Variants in FMO5 observed in about 807,000 individuals in gnomAD.
The protein encoded by FMO5 is flavin-containing monooxygenase 5.
FMO5 carries 51 observed loss-of-function variants against 43.6 expected under a neutral mutation model. The ratio of observed to expected loss-of-function variants is 1.17; its 90% CI spans 0.93 to 1.48. FMO5 has a LOEUF of 1.48. Among genes scored for constraint, FMO5 ranks in the 40% most tolerant of loss-of-function variants. The pLI is 0.00. For missense variants in FMO5, 644 were observed against 643.0 expected (o/e 1.00, Z -0.02); for synonymous variants, 187 against 216.5 (o/e 0.86, Z 1.20).
rs1553920890 is a variant in FMO5, at chr1:147,201,315, T to C, written c.1020A>G (p.Glu340=). 2 of 1,614,190 alleles carry C rather than the reference T, an allele frequency of 1.2e-6. No homozygotes were observed. Among genetic ancestry groups the C allele is most frequent in the Admixed American group, 3.3e-5 (2 of 60,026 alleles). ...TGTTTTTGACCACTTTGACGGAATC[T>C]TCCAGAAATGGAAAGTCAAAGCTAT... ...TGYSFDFPFL[E]DSVKVVKNKI... The change falls in exon 7 of 9, where the codon GAA becomes GAG. Residue 340 remains glutamate, a synonymous_variant. Coordinates refer to ENST00000254090, the MANE Select transcript of FMO5 (RefSeq NM_001461.4).
chr1:147,195,504 T>C (rs1657829604), intron 7 of FMO5, among the ~76,000 whole-genome samples: 1 of 152,130 alleles, frequency 6.6e-6, no homozygotes, highest in Non-Finnish European at 1.5e-5. Context: ...AACATGTTTC[T>C]TTGATAAGAG....
At chr1:147,211,876 A>G (rs1164313196) in intron 5 of FMO5, among the ~76,000 whole-genome samples, 2 of 152,212 alleles carry the variant, frequency 1.3e-5, no homozygotes, top group African/African-American at 4.8e-5. Context: ...CGCTATACGG[A>G]TACCCACATT....
At position 147,194,850 on chromosome 1, in the gene FMO5, G is replaced by C. The variant is rs1349134901; in HGVS notation, c.1184-4601C>G. Among the ~76,000 whole-genome samples the C allele has an allele frequency of 3.9e-5, 6 of 152,022 alleles. 1 individual carries two copies. Among genetic ancestry groups the C allele is most frequent in the African/African-American group, 1.5e-4 (6 of 41,328 alleles). On this transcript the variant is annotated intron_variant, in intron 7 of 8. Transcript: ENST00000254090. ...GAATATTGGCCCCCACTCTCTTCTG[G>C]CTTGTAGAGTTACTGCCGAGAGATC...
At chr1:147,214,466 C>A (rs199809703) in intron 3 of FMO5, among the ~76,000 whole-genome samples, 84 of 148,300 alleles carry the variant, frequency 5.7e-4, no homozygotes, top group Non-Finnish European at 8.6e-4. Flanking sequence ...AAACAAAAAA[C>A]AAAAAAAAAA....
intron 8 of FMO5, among the ~76,000 whole-genome samples, chr1:147,189,968 C>A (rs1656379074): frequency 6.6e-6 from 1 of 152,112 alleles, no homozygotes; most frequent in African/African-American, 2.4e-5. Flanking sequence ...TGATTTTAGA[C>A]ACCTAAAACT....
intron 6 of FMO5, chr1:147,203,151 A>G: frequency 1.9e-6 from 1 of 531,480 alleles, no homozygotes; most frequent in South Asian, 2.9e-5. Context: ...GTTTATTATA[A>G]CATCCAGCCA....
chr1:147,192,501 A>G (rs1479821305), intron 7 of FMO5, among the ~76,000 whole-genome samples: 2 of 151,868 alleles, frequency 1.3e-5, no homozygotes, highest in African/African-American at 4.9e-5. Flanking sequence ...AATACCCTTT[A>G]TTTCCTTCTC....
At chr1:147,218,998 A>G (rs782113358) in intron 2 of FMO5, among the ~76,000 whole-genome samples, 2 of 152,196 alleles carry the variant, frequency 1.3e-5, no homozygotes, top group Non-Finnish European at 2.9e-5. Context: ...TGTTTCCATG[A>G]CTGTGAGAAA....
Position 147,225,272 on chromosome 1 carries a change from G to C in FMO5, c.-38+15C>G. ...CCCAGAGCTGAGAGTGCTCTGCTGC[G>C]GTACCGGATCTCACCGCCTTTCCTG... On this transcript the variant is annotated intron_variant, in intron 1 of 8. Transcript: ENST00000254090. The C allele has an allele frequency of 9.6e-7, 1 of 1,046,068 alleles. No homozygotes were observed. 64.8% of individuals were successfully genotyped at this position (1,046,068 alleles called of 1,614,324 possible).
intron 2 of FMO5, among the ~76,000 whole-genome samples, chr1:147,220,689 A>G (rs781868966): frequency 2.0e-5 from 3 of 152,186 alleles, no homozygotes; most frequent in Non-Finnish European, 4.4e-5. Flanking sequence ...TTTTTAACGC[A>G]TGTTGAGTTG....
chr1:147,203,216 G>T, intron 6 of FMO5: 3 of 908,630 alleles, frequency 3.3e-6, no homozygotes, highest in South Asian at 1.7e-5. Flanking sequence ...AACATCACGC[G>T]ATTCTTAGAA....
chr1:147,218,981 A>C (rs941746987), intron 2 of FMO5, among the ~76,000 whole-genome samples: 9 of 152,212 alleles, frequency 5.9e-5, no homozygotes, highest in Admixed American at 4.6e-4. Flanking sequence ...CTATATTATC[A>C]GGCATTTGTT....
chr1:147,214,147 T>C (rs1420467548), intron 3 of FMO5, among the ~76,000 whole-genome samples: 2 of 152,178 alleles, frequency 1.3e-5, no homozygotes, highest in Non-Finnish European at 1.5e-5. Context: ...AATGTCTTCA[T>C]GGACTAATAG....
rs782187845 is a variant in FMO5 at position 147,215,826 on chromosome 1, AT to A, written c.251del (p.His84LeufsTer19). 6.2e-7 allele frequency: 1 copy of A among 1,613,964 alleles called. No homozygotes were observed. ...PIPDHYPNFMHNAQVLEYFRM... is the reference protein window; with the variant it reads ...PIPDHYPNFMXNAQVLEYFRM... The stretch of plus-strand genomic sequence containing the variant: ...TGAAATACTCCAGGACCTGGGCATT[AT>A]GCATGAAGTTGGGATAATGATCTGG... On this transcript the variant is annotated frameshift_variant, in exon 3 of 9. Coordinates refer to ENST00000254090, the MANE Select transcript of FMO5 (RefSeq NM_001461.4). LOFTEE classifies it high-confidence loss of function.
At chr1:147,186,129 G>T, downstream of FMO5, 1 of 161,192 alleles carries the variant, frequency 6.2e-6, no homozygotes, top group Non-Finnish European at 1.3e-5. Context: ...AAGTTTTGTT[G>T]GATCCTAATA....
In FMO5 at chr1:147,220,071, C is replaced by A. The variant is rs587696667; in HGVS notation, c.136-4129G>T. 2.6e-5 allele frequency among the ~76,000 whole-genome samples: 4 copies of A among 152,180 alleles called. No individual in the cohort carries two copies. In the South Asian group the frequency reaches 8.3e-4, roughly 32 times the overall value. ...GCCAGGCTGGTCTCGATCTCCTGAC[C>A]TCGTGATCCACCCACCTCGGCCTCC... is the stretch of plus-strand genomic sequence containing the variant. On this transcript the variant is annotated intron_variant, in intron 2 of 8. Transcript: ENST00000254090.
intron 6 of FMO5, among the ~76,000 whole-genome samples, chr1:147,206,821 GTTAATGGATGTAAATGACA>G (rs1317834272): frequency 0.19 from 8,456 of 45,620 alleles, 266 homozygotes; most frequent in African/African-American, 0.45. Flanking sequence ...TAAATGACAA[GTTAATGGATGTAAATGACA>G]AGTTAATGGG....
chr1:147,184,529 C>A, downstream of FMO5: 2 of 1,548,156 alleles, frequency 1.3e-6, no homozygotes, highest in Non-Finnish European at 1.7e-6. This position sits in a 1 kb window ranked among gnomAD's most constrained non-coding sequence, Gnocchi z 4.4. Context: ...GGGACAATTT[C>A]TCAGACTTTC....
At chr1:147,213,769 C>G (rs191637501) in intron 3 of FMO5, among the ~76,000 whole-genome samples, 70 of 152,266 alleles carry the variant, frequency 4.6e-4, no homozygotes, top group African/African-American at 1.5e-3. Flanking sequence ...TGAGTAAAGC[C>G]TGGGCTTCTC....
Sources: gnomAD v4.1 joint callset for allele counts (sites outside exome capture counted in the v4.1 genomes callset) on GRCh38, gnomAD v4.1.1 for gene constraint, Gnocchi (gnomAD v3.1) non-coding constraint, MANE v1.5 for transcripts, NCBI Gene and HGNC (gene_info 2026-07-23, HGNC 2026-07-21) for gene names.